The following BSN variants were observed in gnomAD, a reference collection of about 807,000 sequenced individuals.
The protein encoded by BSN is bassoon presynaptic cytomatrix protein, also known as protein bassoon.
A neutral mutation model predicts 264.8 loss-of-function variants in BSN; 57 were observed. The ratio of observed to expected loss-of-function variants is 0.22; its 90% confidence interval spans 0.17 to 0.27. The LOEUF (loss-of-function observed/expected upper bound fraction) is 0.27, where lower values mean the gene tolerates loss of function less well. Ranked by LOEUF, BSN falls within the 10% of genes least tolerant of loss-of-function variation. The pLI is 1.00. For synonymous variants in BSN, 2,059 were observed against 2,137.3 expected, an observed-to-expected ratio of 0.96 and a Z score of 1.01; for missense variants, 4,615 against 5,232.5, an observed-to-expected ratio of 0.88 and a Z score of 3.64.
intron 1 of BSN, among the ~76,000 whole-genome samples, chr3:49,618,902 TA>T (rs905466378): frequency 1.3e-5 from 2 of 152,188 alleles, no homozygotes; most frequent in South Asian, 2.1e-4. Flanking sequence ...AATCATTTTT[TA>T]AAAAAATATT....
chr3:49,589,375 C>T (rs1171968786), intron 1 of BSN, among the ~76,000 whole-genome samples: 1 of 151,908 alleles, frequency 6.6e-6, no homozygotes, highest in East Asian at 1.9e-4. Flanking sequence ...CCTTCAATTC[C>T]GTCAGTTTTG....
chr3:49,609,089 C>CTTTTT (rs35003449), intron 1 of BSN, among the ~76,000 whole-genome samples: 2 of 89,036 alleles, frequency 2.2e-5, no homozygotes, highest in African/African-American at 8.5e-5. Flanking sequence ...GTTAAATTGA[C>CTTTTT]TTTTTTTTTT....
chr3:49,567,356 C>T (rs1365599790), intron 1 of BSN, among the ~76,000 whole-genome samples: 1 of 152,170 alleles, frequency 6.6e-6, no homozygotes, highest in Non-Finnish European at 1.5e-5. Context: ...GATCAGTTTT[C>T]TGTTGTTACC....
chr3:49,608,932 G>T (rs1005959727), intron 1 of BSN, among the ~76,000 whole-genome samples: 6 of 152,028 alleles, frequency 3.9e-5, no homozygotes, highest in Non-Finnish European at 8.8e-5. Flanking sequence ...AGGAGAGAGA[G>T]GGAGGCCAAA....
chr3:49,651,657 G>A lies in BSN; in HGVS notation c.2101G>A (p.Val701Met), dbSNP rs1283198454. Residue 701 changes from valine (V) to methionine (M), a missense_variant, in exon 5 of 12, where the codon GTG (valine) becomes ATG (methionine). Physicochemically the swap from Val to Met is conservative, Grantham distance 21. Around this residue, in one of 3 missense-constraint regions of BSN, gnomAD observed 1,197 missense variants for 1,348.0 expected, o/e 0.89. Transcript: ENST00000296452. This position sits in a 1 kb window ranked among gnomAD's most constrained non-coding sequence, Gnocchi z 5.4. ...CTCCCAGAGTGAGATCACAGGAGTC[G>A]TGCAGCAGGAGGTGGAACAGCTGGA... ...SSSQSEITGV[V>M]QQEVEQLDSA... The A allele has an allele frequency of 5.0e-6, 8 of 1,613,976 alleles. No individual in the cohort carries two copies. Among genetic ancestry groups the A allele is most frequent in the Middle Eastern group, 1.6e-4 (1 of 6,084 alleles).
chr3:49,625,761 G>A lies in BSN; in HGVS notation c.633+378G>A. Among the ~76,000 whole-genome samples, 1 of 152,206 alleles carries A rather than the reference G, an allele frequency of 6.6e-6. No individual in the cohort carries two copies. Among genetic ancestry groups the A allele is most frequent in the Middle Eastern group, 3.2e-3 (1 of 316 alleles). ...GAGCAGCTCTAGGACACAGAGGGAG[G>A]CAAATTTCCCTGATCTAGGCCAGGA... On this transcript the variant is annotated intron_variant, in intron 2 of 11. Coordinates refer to ENST00000296452, the MANE Select transcript of BSN (RefSeq NM_003458.4). The surrounding 1 kb of genome is among the most constrained non-coding windows in gnomAD (Gnocchi z 4.4).
chr3:49,652,974 G>T lies in BSN; in HGVS notation c.3418G>T (p.Asp1140Tyr), dbSNP rs1414775807. 4.3e-6 allele frequency: 7 copies of T among 1,612,882 alleles called. No individual in the cohort carries two copies. The highest frequency in any genetic ancestry group is 5.9e-6 in the Non-Finnish European group (7 of 1,179,570). Residue 1140 changes from aspartate to tyrosine, a missense_variant, in exon 5 of 12, where the codon GAT becomes TAT. Physicochemically the swap from Asp to Tyr is radical, Grantham distance 160. Coordinates refer to ENST00000296452, the MANE Select transcript of BSN (RefSeq NM_003458.4). ...CCTTGACTCTGAGGCTGAGGCCTTG[G>T]ATGGTGGCCCTAGCCGGCTTTACAA... Reference protein sequence around the residue: ...PSLDSEAEALDGGPSRLYKSG... With the variant: ...PSLDSEAEALYGGPSRLYKSG...
chr3:49,654,899 C>A lies in BSN; in HGVS notation c.5343C>A (p.Val1781=), dbSNP rs755986349. The A allele has an allele frequency of 3.1e-6, 5 of 1,613,058 alleles. No homozygotes were observed. The South Asian group carries it at 4.4e-5, about 14-fold the overall frequency. The change falls in exon 5 of 12, where the codon GTC becomes GTA. Residue 1781 remains valine (V), a synonymous_variant. Coordinates refer to ENST00000296452, the MANE Select transcript of BSN (RefSeq NM_003458.4). This position sits in a 1 kb window ranked among gnomAD's most constrained non-coding sequence, Gnocchi z 4.1. ...LAQVKQVEQA[V]QTAPYRSGPR... ...AGGTCAAACAAGTAGAGCAGGCTGT[C>A]CAGACAGCCCCATACCGAAGTGGGC...
chr3:49,578,447 G>A (rs1043357190), intron 1 of BSN, among the ~76,000 whole-genome samples: 14 of 150,158 alleles, frequency 9.3e-5, no homozygotes, highest in African/African-American at 2.9e-4. Context: ...TCGCTCTGTC[G>A]CTCAGCCTGG....
At chr3:49,576,872 T>C (rs2051848349) in intron 1 of BSN, among the ~76,000 whole-genome samples, 1 of 152,244 alleles carries the variant, frequency 6.6e-6, no homozygotes. Context: ...GCCTTTCTTC[T>C]TGATGCCAGA....
intron 1 of BSN, among the ~76,000 whole-genome samples, chr3:49,616,607 C>T (rs1266179010): frequency 8.5e-5 from 13 of 152,196 alleles, no homozygotes; most frequent in Non-Finnish European, 1.9e-4. Context: ...TGGAATGCTG[C>T]CTTGTGGGGC....
At position 49,625,470 on chromosome 3, in the gene BSN, C is replaced by T. The variant is rs948071996; in HGVS notation, c.633+87C>T. 2.5e-5 allele frequency: 32 copies of T among 1,277,984 alleles called. No individual in the cohort carries two copies. Among genetic ancestry groups the T allele is most frequent in the Non-Finnish European group, 3.2e-5 (31 of 978,030 alleles). 79.2% of individuals were successfully genotyped at this position (1,277,984 alleles called of 1,614,324 possible). A position where few individuals can be genotyped will look rare whatever the true frequency, so the allele number is the denominator to read the frequency against. Reference sequence around the variant, plus strand: ...TCCCTTCCCCTCTTTCACCAACTCTCTTTTCCTGGTCATTTCCCTTGACCA... The same window carrying T: ...TCCCTTCCCCTCTTTCACCAACTCTTTTTTCCTGGTCATTTCCCTTGACCA... On this transcript the variant is annotated intron_variant, in intron 2 of 11. Coordinates refer to ENST00000296452, the MANE Select transcript of BSN (RefSeq NM_003458.4). The surrounding 1 kb of genome is among the most constrained non-coding windows in gnomAD (Gnocchi z 4.4).
Position 49,651,713 on chromosome 3 carries a change from C to T in BSN, c.2157C>T (p.Pro719=), listed in dbSNP as rs1166711933. ...CAGGGGTGACAGGGCCACATCCACC[C>T]AGCCCCTCCGAGATCCACAAGGTGG... ...DSAGVTGPHP[P]SPSEIHKVGS... is the part of the protein sequence containing the mutation. The change falls in exon 5 of 12, where the codon CCC becomes CCT. Residue 719 remains proline (P), a synonymous_variant. Coordinates refer to ENST00000296452, the MANE Select transcript of BSN (RefSeq NM_003458.4). The surrounding 1 kb of genome is among the most constrained non-coding windows in gnomAD (Gnocchi z 5.4). The T allele has an allele frequency of 1.2e-6, 2 of 1,612,674 alleles. No homozygotes were observed. Among genetic ancestry groups the T allele is most frequent in the South Asian group, 1.1e-5 (1 of 90,992 alleles).
chr3:49,568,371 C>G (rs1339062514), intron 1 of BSN, among the ~76,000 whole-genome samples: 1 of 152,158 alleles, frequency 6.6e-6, no homozygotes, highest in Non-Finnish European at 1.5e-5. Flanking sequence ...TTATATAAAG[C>G]TTTCCTATGA....
chr3:49,659,114 G>A (rs2052633492), intron 5 of BSN, among the ~76,000 whole-genome samples: 1 of 152,188 alleles, frequency 6.6e-6, no homozygotes, highest in Non-Finnish European at 1.5e-5. Flanking sequence ...AGGTAGATTT[G>A]CCCATTTTCA....
At position 49,656,441 on chromosome 3, in the gene BSN, C is replaced by T; in HGVS notation, c.6885C>T (p.Gly2295=). ...PAAAKAPGAG[G]PSRPEMPVGA... is the part of the protein sequence containing the mutation. Reference sequence around the variant, plus strand: ...CTGCCAAGGCCCCTGGGGCTGGGGGCCCTTCAAGGCCAGAGATGCCAGTAG... The same window carrying T: ...CTGCCAAGGCCCCTGGGGCTGGGGGTCCTTCAAGGCCAGAGATGCCAGTAG... The change falls in exon 5 of 12, where the codon GGC becomes GGT. Residue 2295 remains glycine, a synonymous_variant. Transcript: ENST00000296452. 1 of 1,592,018 alleles carries T rather than the reference C, an allele frequency of 6.3e-7. No homozygotes were observed. Among genetic ancestry groups the T allele is most frequent in the Non-Finnish European group, 8.6e-7 (1 of 1,167,924 alleles).
Position 49,654,345 on chromosome 3 carries a change from A to T in BSN, c.4789A>T (p.Thr1597Ser). Residue 1597 changes from threonine to serine, a missense_variant, in exon 5 of 12, where the codon ACA becomes TCA. Around this residue, in one of 3 missense-constraint regions of BSN, gnomAD observed 3,415 missense variants for 3,866.4 expected, o/e 0.88. Coordinates refer to ENST00000296452, the MANE Select transcript of BSN (RefSeq NM_003458.4). This position sits in a 1 kb window ranked among gnomAD's most constrained non-coding sequence, Gnocchi z 4.1. ...GCCCACCACCCATGGCTACAGCCAG[A>T]CAACACCTCCGAGTGTGTCTCAGCT... ...TQPTTHGYSQTTPPSVSQLPP... is the reference protein window; with the variant it reads ...TQPTTHGYSQSTPPSVSQLPP... 1 of 1,613,404 alleles carries T rather than the reference A, an allele frequency of 6.2e-7. No individual in the cohort carries two copies. Among genetic ancestry groups the T allele is most frequent in the Non-Finnish European group, 8.5e-7 (1 of 1,179,840 alleles).
At position 49,651,913 on chromosome 3, in the gene BSN, ACT is replaced by A. The variant is rs773789254; in HGVS notation, c.2360_2361del (p.Ser787CysfsTer2). ...GAGGATATCCTGGAGGAAGACGAAG[ACT>A]CTGCTGAGTGGAGGCGCCGGAGAGA... On this transcript the variant is annotated frameshift_variant, in exon 5 of 12. Coordinates refer to ENST00000296452, the MANE Select transcript of BSN (RefSeq NM_003458.4). LOFTEE classifies it high-confidence loss of function. The surrounding 1 kb of genome is among the most constrained non-coding windows in gnomAD (Gnocchi z 5.4). 6.2e-7 allele frequency: 1 copy of A among 1,613,840 alleles called. No individual in the cohort carries two copies. The highest frequency in any genetic ancestry group is 8.5e-7 in the Non-Finnish European group (1 of 1,179,950).
chr3:49,664,419 C>G lies in BSN; in HGVS notation c.11609-4C>G, dbSNP rs1211913676. On this transcript the variant is annotated splice_polypyrimidine_tract_variant and splice_region_variant and intron_variant, in intron 8 of 11. Transcript: ENST00000296452. ...GCTCATTATGGCGATTTCTTTCCTCCTAGGTGTGAAGGCTGGAGCCAGGCC... is the reference window on the plus strand; with the variant it reads ...GCTCATTATGGCGATTTCTTTCCTCGTAGGTGTGAAGGCTGGAGCCAGGCC... 6.2e-7 allele frequency: 1 copy of G among 1,613,736 alleles called. No individual in the cohort carries two copies.
Sources: gnomAD v4.1 joint callset for allele counts (sites outside exome capture counted in the v4.1 genomes callset) on GRCh38, gnomAD v4.1.1 for gene constraint, gnomAD v4.1.1 regional missense constraint, Gnocchi (gnomAD v3.1) non-coding constraint, MANE v1.5 for transcripts, NCBI Gene and HGNC (gene_info 2026-07-23, HGNC 2026-07-21) for gene names.